CERS6: variants seen among roughly 807,000 people sequenced by gnomAD.
CERS6 encodes the protein ceramide synthase 6.
Under a neutral mutation model 56.8 loss-of-function variants are expected in CERS6, and 26 were observed. The ratio of observed to expected loss-of-function variants is 0.46; its 90% CI spans 0.34 to 0.63. CERS6 has a LOEUF of 0.63. Ranked by LOEUF, CERS6 falls within the 30% of genes least tolerant of loss-of-function variation. The pLI is 0.01. For missense variants in CERS6, 415 were observed against 467.5 expected (o/e 0.89, Z 1.04); for synonymous variants, 164 against 173.3 (o/e 0.95, Z 0.42).
chr2:168,643,345 TTTG>T lies in CERS6; in HGVS notation c.465+12317_465+12319del, dbSNP rs778165717. On this transcript the variant is annotated intron_variant, in intron 4 of 9. Transcript: ENST00000305747. ...AGGCCCTATAAACCTAATTTATAATTTTGTTGTTGTTGTTGTCGGGTGGGGCTA... is the reference window on the plus strand; with the variant it reads ...AGGCCCTATAAACCTAATTTATAATTTTGTTGTTGTTGTCGGGTGGGGCTA... 8.5e-5 allele frequency among the ~76,000 whole-genome samples: 13 copies of T among 152,242 alleles called. No individual in the cohort carries two copies. In the East Asian group the frequency reaches 1.9e-3, roughly 23 times the overall value.
At chr2:168,594,365 G>T (rs1461164911) in intron 3 of CERS6, among the ~76,000 whole-genome samples, 1 of 152,126 alleles carries the variant, frequency 6.6e-6, no homozygotes, top group Non-Finnish European at 1.5e-5. Context: ...CAGGTGGATT[G>T]CTTGAGCCCA....
At chr2:168,637,851 T>C (rs1000656851) in intron 4 of CERS6, among the ~76,000 whole-genome samples, 1 of 152,070 alleles carries the variant, frequency 6.6e-6, no homozygotes, top group Admixed American at 6.5e-5. Context: ...AGGTAGAAAT[T>C]TGGAGGTTTT....
intron 3 of CERS6, among the ~76,000 whole-genome samples, chr2:168,608,760 C>T (rs568045990): frequency 3.3e-5 from 5 of 152,122 alleles, no homozygotes; most frequent in Middle Eastern, 3.4e-3. Context: ...TATACAAATC[C>T]TTTGTGGGTT....
At chr2:168,580,503 T>G (rs917432940) in intron 3 of CERS6, among the ~76,000 whole-genome samples, 1 of 152,214 alleles carries the variant, frequency 6.6e-6, no homozygotes, top group Admixed American at 6.5e-5. Flanking sequence ...CTGACTTAAG[T>G]TACTTTTGTC....
intron 3 of CERS6, among the ~76,000 whole-genome samples, chr2:168,564,762 C>T (rs578177328): frequency 3.5e-4 from 54 of 152,296 alleles, no homozygotes; most frequent in Admixed American, 1.0e-3. Flanking sequence ...ACTATTGGGG[C>T]TGGAGTGAGC....
chr2:168,495,463 GTCCACTTGGT>G (rs1165176791), intron 1 of CERS6, among the ~76,000 whole-genome samples: 1 of 152,152 alleles, frequency 6.6e-6, no homozygotes, highest in Non-Finnish European at 1.5e-5. Context: ...TGTCTCTCAG[GTCCACTTGGT>G]TCCATCTTTG....
chr2:168,757,385 A>G (rs1684447621), intron 8 of CERS6, among the ~76,000 whole-genome samples: 2 of 151,372 alleles, frequency 1.3e-5, no homozygotes, highest in Non-Finnish European at 2.9e-5. Context: ...CATCTGCCCC[A>G]GCCAGGAAGT....
In CERS6 at chr2:168,572,330, G is replaced by A. The variant is rs180693279; in HGVS notation, c.407+11008G>A. Among the ~76,000 whole-genome samples, 12 of 152,180 alleles carry A rather than the reference G, an allele frequency of 7.9e-5. No individual in the cohort carries two copies. In the East Asian group the frequency reaches 2.1e-3, roughly 27 times the overall value. On this transcript the variant is annotated intron_variant, in intron 3 of 9. Transcript: ENST00000305747. ...GAGGTATTTATACAGTTCAGTTGCT[G>A]TGATGGAGCCTTTACATTTAAATAA...
chr2:168,510,671 T>C (rs1398116863), intron 1 of CERS6, among the ~76,000 whole-genome samples: 4 of 152,238 alleles, frequency 2.6e-5, no homozygotes, highest in Non-Finnish European at 5.9e-5. Context: ...ACATTTCCTT[T>C]CTTGTTCAGT....
At chr2:168,580,326 T>G (rs1351972924) in intron 3 of CERS6, among the ~76,000 whole-genome samples, 2 of 152,220 alleles carry the variant, frequency 1.3e-5, no homozygotes, top group East Asian at 3.8e-4. Flanking sequence ...TTGATTCCAT[T>G]TTCCCTTTTA....
intron 8 of CERS6, among the ~76,000 whole-genome samples, chr2:168,728,387 CT>C (rs397872513): frequency 0.41 from 39,842 of 97,410 alleles, 6,978 homozygotes; most frequent in Non-Finnish European, 0.48. Flanking sequence ...TGCAACTACT[CT>C]TTTTTTTTTT....
chr2:168,724,877 C>T (rs1260818632), intron 8 of CERS6, among the ~76,000 whole-genome samples: 1 of 152,252 alleles, frequency 6.6e-6, no homozygotes, highest in Non-Finnish European at 1.5e-5. Context: ...AGCTGCCTGC[C>T]AGTCCAGCGC....
At chr2:168,533,881 C>T (rs187198738) in intron 1 of CERS6, among the ~76,000 whole-genome samples, 1 of 151,932 alleles carries the variant, frequency 6.6e-6, no homozygotes, top group Admixed American at 6.6e-5. Context: ...GGTCTTTTTA[C>T]GAGATCCCAT....
intron 3 of CERS6, among the ~76,000 whole-genome samples, chr2:168,570,966 A>G (rs144513316): frequency 4.1e-4 from 63 of 152,292 alleles, no homozygotes; most frequent in African/African-American, 1.5e-3. Flanking sequence ...GCGCATTGGT[A>G]AAGTTATTTA....
At chr2:168,554,415 G>A (rs1160102548) in intron 2 of CERS6, among the ~76,000 whole-genome samples, 1 of 152,194 alleles carries the variant, frequency 6.6e-6, no homozygotes, top group African/African-American at 2.4e-5. Flanking sequence ...AGGTAAATTA[G>A]TCAAAATGGG....
chr2:168,748,466 A>G (rs149859092), intron 8 of CERS6, among the ~76,000 whole-genome samples: 2,155 of 152,316 alleles, frequency 0.014, 22 homozygotes, highest in African/African-American at 0.028. Context: ...TTTTTACTAA[A>G]TAAAACCACC....
At chr2:168,458,621 T>G (rs1188542847) in intron 1 of CERS6, among the ~76,000 whole-genome samples, 1 of 152,220 alleles carries the variant, frequency 6.6e-6, no homozygotes, top group Non-Finnish European at 1.5e-5. Flanking sequence ...ATAAAGTGAG[T>G]TGGTCAGTTT....
At chr2:168,658,915 A>G (rs1196078170) in intron 4 of CERS6, among the ~76,000 whole-genome samples, 1 of 152,216 alleles carries the variant, frequency 6.6e-6, no homozygotes, top group Non-Finnish European at 1.5e-5. Flanking sequence ...GCATGGTGCC[A>G]TCAGCTTCTA....
intron 8 of CERS6, among the ~76,000 whole-genome samples, chr2:168,743,147 C>CAT (rs148464862): frequency 0.094 from 13,772 of 146,042 alleles, 685 homozygotes; most frequent in East Asian, 0.11. Context: ...TGTCTATATT[C>CAT]ATATATATAT....
Sources: allele counts gnomAD v4.1 joint callset (sites outside exome capture counted in the v4.1 genomes callset), GRCh38; gene constraint gnomAD v4.1.1; transcripts MANE v1.5; gene names NCBI Gene and HGNC (gene_info 2026-07-23, HGNC 2026-07-21).